Variants in VIL1 observed in about 807,000 individuals in gnomAD.
The protein encoded by VIL1 is villin 1.
Under a neutral mutation model 104.0 loss-of-function variants are expected in VIL1, and 86 were observed. The ratio of observed to expected loss-of-function variants is 0.83; its 90% CI spans 0.69 to 0.99. VIL1 has a LOEUF of 0.99. Among genes scored for constraint, VIL1 ranks in the 50% least tolerant of loss-of-function variants. The pLI, the probability that VIL1 is intolerant of heterozygous loss-of-function variation, is 0.00. For missense variants in VIL1, 944 were observed against 1,054.1 expected (o/e 0.90, Z 1.45); for synonymous variants, 394 against 412.6 (o/e 0.95, Z 0.55).
At chr2:218,433,590 G>A (rs1238641645) in intron 13 of VIL1, among the ~76,000 whole-genome samples, 1 of 151,334 alleles carries the variant, frequency 6.6e-6, no homozygotes, top group Non-Finnish European at 1.5e-5. Context: ...CTGGGGGAGA[G>A]GCTCCCTGGG....
rs536749304 is a variant in VIL1, at chr2:218,449,556, C to T, written c.*220C>T. 4 of 451,236 alleles carry T rather than the reference C, an allele frequency of 8.9e-6. No individual in the cohort carries two copies. Among genetic ancestry groups the T allele is most frequent in the East Asian group, 8.3e-5 (2 of 24,040 alleles). The allele number at this position is 451,236 out of a possible 1,614,324, so 28.0% of individuals were successfully genotyped here. On this transcript the variant is annotated 3_prime_UTR_variant, in exon 20 of 20. Coordinates refer to ENST00000248444, the MANE Select transcript of VIL1 (RefSeq NM_007127.3). ...TGGTCCTCATTTCAACTTCTAAGGT[C>T]GCTAGATTGTTTCTATCCTGAGGTA...
At chr2:218,427,921 A>G in intron 4 of VIL1, 44 bp from the exon 5 acceptor site, 1 of 1,570,204 alleles carries the variant, frequency 6.4e-7, no homozygotes, top group Non-Finnish European at 8.8e-7. Context: ...GGCCAGGCAC[A>G]CCTCCCAGCC....
Position 218,438,636 on chromosome 2 carries a change from C to A in VIL1, c.2161-22C>A. ...TCCTCTGCTGAGATCCAGGTCTAAT[C>A]TGTTATTTACTTTATGTGCAGAACA... On this transcript the variant is annotated intron_variant, in intron 17 of 19. Coordinates refer to ENST00000248444, the MANE Select transcript of VIL1 (RefSeq NM_007127.3). The A allele has an allele frequency of 3.1e-6, 5 of 1,604,526 alleles. No individual in the cohort carries two copies. The South Asian group carries it at 5.6e-5, about 18-fold the overall frequency.
rs1689458287 is a variant in VIL1, at chr2:218,450,809, A to G, written c.*1473A>G. The G allele has an allele frequency of 6.6e-6, 1 of 152,218 alleles. No homozygotes were observed. Among genetic ancestry groups the G allele is most frequent in the South Asian group, 2.1e-4 (1 of 4,832 alleles). The allele number at this position is 152,218 out of a possible 1,614,324, so 9.4% of individuals were successfully genotyped here. On this transcript the variant is annotated 3_prime_UTR_variant, in exon 20 of 20. Coordinates refer to ENST00000248444, the MANE Select transcript of VIL1 (RefSeq NM_007127.3). ...CTATACTTTGAACCTCTGTACTTTT[A>G]AGAAAAGTCCAATGTTACAAAATCA...
chr2:218,426,279 G>C (rs1339858048), intron 4 of VIL1, among the ~76,000 whole-genome samples: 1 of 151,696 alleles, frequency 6.6e-6, no homozygotes, highest in Non-Finnish European at 1.5e-5. Context: ...TTTTGAGATG[G>C]AGTCTTGCTT....
chr2:218,443,801 C>T (rs1005230459), intron 19 of VIL1, among the ~76,000 whole-genome samples: 17 of 151,374 alleles, frequency 1.1e-4, no homozygotes, highest in African/African-American at 3.7e-4. Context: ...ACTACAGGCG[C>T]ACACCATCAC....
chr2:218,437,777 G>A (rs770589907), intron 17 of VIL1, among the ~76,000 whole-genome samples: 17 of 152,164 alleles, frequency 1.1e-4, no homozygotes, highest in Non-Finnish European at 1.9e-4. Context: ...TAAATTCTAA[G>A]CAAAATGGGT....
chr2:218,440,995 C>T (rs1689275536), intron 19 of VIL1, 133 bp downstream of exon 19: 1 of 1,039,720 alleles, frequency 9.6e-7, no homozygotes, highest in Non-Finnish European at 1.4e-6. Context: ...TTCATGCCAC[C>T]TTATATCCCA....
chr2:218,423,457 GA>G, intron 1 of VIL1, among the ~76,000 whole-genome samples: 1 of 152,246 alleles, frequency 6.6e-6, no homozygotes, highest in Admixed American at 6.5e-5. Flanking sequence ...AAAGCTTGGG[GA>G]GGGGGGTTCC....
rs1332879837 is a variant in VIL1, at chr2:218,435,406, G to A, written c.1798G>A (p.Gly600Arg). 11 of 1,614,062 alleles carry A rather than the reference G, an allele frequency of 6.8e-6. No individual in the cohort carries two copies. Among genetic ancestry groups the A allele is most frequent in the Non-Finnish European group, 9.3e-6 (11 of 1,179,952 alleles). ...AGCCAACTTCTGGATGGCCCTGGGT[G>A]GGAAGGCCCCCTATGCCAACACCAA... ...EPANFWMALG[G>R]KAPYANTKRL... The change falls in exon 15 of 20, where the codon GGG becomes AGG. Residue 600 changes from glycine (G) to arginine (R), a missense_variant. Coordinates refer to ENST00000248444, the MANE Select transcript of VIL1 (RefSeq NM_007127.3).
chr2:218,440,946 C>G, intron 19 of VIL1, 84 bp downstream of exon 19: 1 of 1,534,862 alleles, frequency 6.5e-7, no homozygotes, highest in Non-Finnish European at 8.8e-7. Flanking sequence ...CTGCAGGTGA[C>G]TAGGTGCTGG....
At chr2:218,427,710 G>A (rs1689026328) in intron 4 of VIL1, among the ~76,000 whole-genome samples, 1 of 152,172 alleles carries the variant, frequency 6.6e-6, no homozygotes, top group Non-Finnish European at 1.5e-5. Context: ...CAAGACGAGT[G>A]AAGATCTAGG....
intron 19 of VIL1, 139 bp downstream of exon 19, chr2:218,441,001 T>A (rs1689275601): frequency 1.0e-6 from 1 of 999,922 alleles, no homozygotes. Flanking sequence ...CCACCTTATA[T>A]CCCAGGAGGA....
In VIL1 at chr2:218,437,230, C is replaced by A; in HGVS notation, c.2078C>A (p.Thr693Asn). 1 of 1,614,204 alleles carries A rather than the reference C, an allele frequency of 6.2e-7. No individual in the cohort carries two copies. Among genetic ancestry groups the A allele is most frequent in the South Asian group, 1.1e-5 (1 of 91,084 alleles). Residue 693 changes from threonine (T) to asparagine (N), a missense_variant, in exon 17 of 20, where the codon ACC becomes AAC. By Grantham distance (65) the Thr-to-Asn change is moderately conservative. Transcript: ENST00000248444. ...CATCCCAGCGGGCGTGACCCTGAGA[C>A]CCCCATCATTGTGGTGAAGCAGGGA... ...KTHPSGRDPETPIIVVKQGHE... is the reference protein window; with the variant it reads ...KTHPSGRDPENPIIVVKQGHE...
At chr2:218,439,709 C>T (rs1035494087) in intron 18 of VIL1, among the ~76,000 whole-genome samples, 2 of 149,712 alleles carry the variant, frequency 1.3e-5, no homozygotes, top group African/African-American at 2.5e-5. Context: ...CCCAGCTACT[C>T]AGGAGGCTGA....
rs1689471533 is a variant in VIL1 at position 218,451,331 on chromosome 2, G to C, written c.*1995G>C. The C allele has an allele frequency of 6.6e-6, 1 of 152,088 alleles. No individual in the cohort carries two copies. Among genetic ancestry groups the C allele is most frequent in the African/African-American group, 2.4e-5 (1 of 41,422 alleles). 9.4% of individuals were successfully genotyped at this position (152,088 alleles called of 1,614,324 possible). On this transcript the variant is annotated 3_prime_UTR_variant, in exon 20 of 20. Coordinates refer to ENST00000248444, the MANE Select transcript of VIL1 (RefSeq NM_007127.3). ...ATATATACAAAATCCATATGTACTT[G>C]GAGATCCAGCTGTTGCCCCCTGTTT... is the stretch of plus-strand genomic sequence containing the variant.
rs1452271295 is a variant in VIL1, at chr2:218,451,747, G to A, written c.*2411G>A. 1 of 152,410 alleles carries A rather than the reference G, an allele frequency of 6.6e-6. No individual in the cohort carries two copies. Among genetic ancestry groups the A allele is most frequent in the Non-Finnish European group, 1.5e-5 (1 of 68,004 alleles). 9.4% of individuals were successfully genotyped at this position (152,410 alleles called of 1,614,324 possible). A position where few individuals can be genotyped will look rare whatever the true frequency, so the allele number is the denominator to read the frequency against. ...TGTGTAGTCTAACATTTGCTTTCTG[G>A]AGTTAATTAACTGATCTGTAAGAAC... On this transcript the variant is annotated 3_prime_UTR_variant, in exon 20 of 20. Coordinates refer to ENST00000248444, the MANE Select transcript of VIL1 (RefSeq NM_007127.3).
rs1689433143 is a variant in VIL1, at chr2:218,449,596, A to G, written c.*260A>G. 8.2e-6 allele frequency: 3 copies of G among 366,006 alleles called. No homozygotes were observed. The highest frequency in any genetic ancestry group is 6.2e-5 in the African/African-American group (3 of 48,192). 22.7% of individuals were successfully genotyped at this position (366,006 alleles called of 1,614,324 possible). On this transcript the variant is annotated 3_prime_UTR_variant, in exon 20 of 20. Transcript: ENST00000248444. ...ATCCTGAGGTATTGCATCAATTTTA[A>G]TACTCCTATAGTTTTCTCTTCTTAG...
At chr2:218,445,005 G>A (rs947365218) in intron 19 of VIL1, among the ~76,000 whole-genome samples, 1 of 152,186 alleles carries the variant, frequency 6.6e-6, no homozygotes, top group African/African-American at 2.4e-5. Context: ...CCACAGCTGT[G>A]AGGAACCTGG....
Sources: gnomAD v4.1 joint callset for allele counts (sites outside exome capture counted in the v4.1 genomes callset) on GRCh38, gnomAD v4.1.1 for gene constraint, MANE v1.5 for transcripts, NCBI Gene and HGNC (gene_info 2026-07-23, HGNC 2026-07-21) for gene names.